TRHDE: variants seen among roughly 807,000 people sequenced by gnomAD.
The protein encoded by TRHDE is thyrotropin-releasing hormone-degrading ectoenzyme.
In TRHDE, 72 loss-of-function variants were observed where a neutral mutation model predicts 125.7. That is an observed-to-expected ratio of 0.57 (90% CI 0.47 to 0.70). The LOEUF (loss-of-function observed/expected upper bound fraction) is 0.70, where lower values mean the gene tolerates loss of function less well. TRHDE is among the 30% of genes least tolerant of loss of function. TRHDE has a pLI of 0.00. For synonymous variants in TRHDE, 509 were observed against 509.1 expected, an observed-to-expected ratio of 1.00 and a Z score of 0.00; for missense variants, 1,110 against 1,327.1, an observed-to-expected ratio of 0.84 and a Z score of 2.54.
chr12:72,188,097 A>G (rs188162375), intron 2 of TRHDE, among the ~76,000 whole-genome samples: 12 of 152,374 alleles, frequency 7.9e-5, no homozygotes, highest in African/African-American at 2.4e-4. Flanking sequence ...TTGCTCTTCA[A>G]CAAAGCAACC....
chr12:72,431,056 T>C (rs1874455134), intron 3 of TRHDE, among the ~76,000 whole-genome samples: 2 of 152,284 alleles, frequency 1.3e-5, no homozygotes, highest in South Asian at 4.1e-4. Context: ...ATTTTTGGAT[T>C]GCTCATTTCT....
At chr12:72,517,840 T>A (rs1353681139) in intron 6 of TRHDE, among the ~76,000 whole-genome samples, 1 of 151,798 alleles carries the variant, frequency 6.6e-6, no homozygotes, top group African/African-American at 2.4e-5. Flanking sequence ...TTCTGGTATG[T>A]TGTGTCTTTG....
chr12:72,635,668 T>C (rs1217170955), intron 15 of TRHDE, among the ~76,000 whole-genome samples: 2 of 150,516 alleles, frequency 1.3e-5, no homozygotes, highest in Non-Finnish European at 3.0e-5. Flanking sequence ...CCATCTTGAA[T>C]TGATTTTTGT....
intron 2 of TRHDE, among the ~76,000 whole-genome samples, chr12:72,135,751 A>G (rs1038596166): frequency 6.6e-6 from 1 of 152,086 alleles, no homozygotes; most frequent in African/African-American, 2.4e-5. Flanking sequence ...TTCTGCCTTC[A>G]TTGAGGATTT....
chr12:72,207,469 G>T (rs1177798274), intron 2 of TRHDE, among the ~76,000 whole-genome samples: 1 of 152,110 alleles, frequency 6.6e-6, no homozygotes, highest in African/African-American at 2.4e-5. Flanking sequence ...CAAAAAAATT[G>T]CACAATAAGA....
chr12:72,469,943 AT>A, intron 4 of TRHDE, 31 bp downstream of exon 4: 1 of 1,598,040 alleles, frequency 6.3e-7, no homozygotes, highest in Non-Finnish European at 8.5e-7. Flanking sequence ...TGTAAGTATA[AT>A]GTGAAAGCTA....
intron 3 of TRHDE, among the ~76,000 whole-genome samples, chr12:72,462,842 C>G (rs937221035): frequency 6.6e-5 from 10 of 152,160 alleles, no homozygotes; most frequent in Admixed American, 6.5e-4. Context: ...GCCCTACCTG[C>G]ACTCCCCAAC....
At chr12:72,658,341 G>T (rs1243485442) in intron 18 of TRHDE, among the ~76,000 whole-genome samples, 2 of 152,086 alleles carry the variant, frequency 1.3e-5, no homozygotes, top group African/African-American at 2.4e-5. Context: ...TCAATAATCT[G>T]GGAATTAAAG....
chr12:72,168,708 G>A (rs990833662), intron 2 of TRHDE, among the ~76,000 whole-genome samples: 3 of 152,124 alleles, frequency 2.0e-5, no homozygotes, highest in Non-Finnish European at 4.4e-5. Flanking sequence ...GGAGATATTA[G>A]TGAAATTTTT....
chr12:72,094,663 G>A (rs1349224943), intron 1 of TRHDE, among the ~76,000 whole-genome samples: 1 of 152,242 alleles, frequency 6.6e-6, no homozygotes, highest in African/African-American at 2.4e-5. Flanking sequence ...GGTCTGTCAT[G>A]CAAAACATTA....
intron 2 of TRHDE, among the ~76,000 whole-genome samples, chr12:72,238,275 A>AATAT (rs71071820): frequency 4.2e-4 from 16 of 38,214 alleles, no homozygotes; most frequent in Admixed American, 1.3e-3. Context: ...TCAGATCCTT[A>AATAT]ATATATATAT....
rs1243934766 is a variant in TRHDE at position 72,100,821 on chromosome 12, CA to C, written n.175-4826del. On this transcript the variant is annotated intron_variant and non_coding_transcript_variant, in intron 1 of 4. Coordinates refer to the TRHDE transcript ENST00000548156. ...TCATTAGCTGGGTCATTGACCCCCT[CA>C]CATATATGACAGGGTTATGTCAATC... Among the ~76,000 whole-genome samples the C allele has an allele frequency of 8.5e-5, 13 of 152,152 alleles. No homozygotes were observed. In the East Asian group the frequency reaches 2.5e-3, roughly 29 times the overall value.
intron 2 of TRHDE, among the ~76,000 whole-genome samples, chr12:72,155,056 C>A (rs1876470712): frequency 6.6e-6 from 1 of 152,216 alleles, no homozygotes; most frequent in Non-Finnish European, 1.5e-5. Flanking sequence ...TTGGTCTTTT[C>A]ACATAGTCCC....
At chr12:72,324,249 G>A (rs1285419055) in intron 2 of TRHDE, among the ~76,000 whole-genome samples, 1 of 151,994 alleles carries the variant, frequency 6.6e-6, no homozygotes, top group African/African-American at 2.4e-5. Flanking sequence ...AGGCATTTGA[G>A]GCCCAGAGGA....
At chr12:72,453,809 CG>C (rs1252291931) in intron 3 of TRHDE, among the ~76,000 whole-genome samples, 1 of 152,120 alleles carries the variant, frequency 6.6e-6, no homozygotes, top group Non-Finnish European at 1.5e-5. Flanking sequence ...CAAAGGGGCC[CG>C]GGTACAGCTC....
At chr12:72,484,778 G>A (rs145703166) in intron 5 of TRHDE, among the ~76,000 whole-genome samples, 30 of 152,290 alleles carry the variant, frequency 2.0e-4, no homozygotes, top group African/African-American at 6.5e-4. Flanking sequence ...CTAAAGGTTG[G>A]TTGTCAGCAA....
chr12:72,487,759 T>G (rs1877480159), intron 5 of TRHDE, among the ~76,000 whole-genome samples: 1 of 152,120 alleles, frequency 6.6e-6, no homozygotes, highest in South Asian at 2.1e-4. Flanking sequence ...ATAGTGACGG[T>G]GATATATAAA....
intron 2 of TRHDE, among the ~76,000 whole-genome samples, chr12:72,350,966 T>C (rs1372344255): frequency 6.6e-6 from 1 of 152,004 alleles, no homozygotes; most frequent in Non-Finnish European, 1.5e-5. Context: ...ACTAGCCAAT[T>C]GCATACAATT....
intron 2 of TRHDE, among the ~76,000 whole-genome samples, chr12:72,318,619 T>C (rs1350990335): frequency 6.6e-6 from 1 of 152,168 alleles, no homozygotes; most frequent in African/African-American, 2.4e-5. Context: ...TAGAAGCTTC[T>C]CTTTTTCAGT....
Sources: gnomAD v4.1 joint callset for allele counts (sites outside exome capture counted in the v4.1 genomes callset) on GRCh38, gnomAD v4.1.1 for gene constraint, MANE v1.5 for transcripts, NCBI Gene and HGNC (gene_info 2026-07-23, HGNC 2026-07-21) for gene names.